Variants in SNX27 observed in about 807,000 individuals in gnomAD.
The protein encoded by SNX27 is sorting nexin-27.
Under a neutral mutation model 71.6 loss-of-function variants are expected in SNX27, and 22 were observed. The ratio of observed to expected loss-of-function variants is 0.31; its 90% CI spans 0.22 to 0.44. The LOEUF is 0.44. SNX27 is among the 20% of genes least tolerant of loss of function. The probability of loss-of-function intolerance (pLI) is 1.00; values close to 1 mark genes in which losing one functional copy is unlikely to be tolerated. For synonymous variants in SNX27, 269 were observed against 277.2 expected, an observed-to-expected ratio of 0.97 and a Z score of 0.29; for missense variants, 531 against 698.6, an observed-to-expected ratio of 0.76 and a Z score of 2.70.
chr1:151,633,885 A>G (rs1185327045), intron 1 of SNX27, among the ~76,000 whole-genome samples: 6 of 151,918 alleles, frequency 3.9e-5, no homozygotes, highest in Non-Finnish European at 8.8e-5. Context: ...TTTTTGATAG[A>G]CATTGGGTTG....
chr1:151,696,599 C>A lies in SNX27; in HGVS notation c.*2182C>A, dbSNP rs1340155610. The A allele has an allele frequency of 6.8e-6, 1 of 147,452 alleles. No individual in the cohort carries two copies. The highest frequency in any genetic ancestry group is 1.5e-5 in the Non-Finnish European group (1 of 67,224). The allele number at this position is 147,452 out of a possible 1,614,324, so 9.1% of individuals were successfully genotyped here. On this transcript the variant is annotated 3_prime_UTR_variant, in exon 12 of 12. Transcript: ENST00000458013. ...ATCTCTTTTTTGTAATTTGTTGTTG[C>A]AAATCATTGTGAGGCCACTTTTCTT...
In SNX27 at chr1:151,661,842, C is replaced by T. The variant is rs1333929265; in HGVS notation, c.802-324C>T. Among the ~76,000 whole-genome samples the T allele has an allele frequency of 2.0e-5, 3 of 152,150 alleles. No homozygotes were observed. The East Asian group carries it at 5.8e-4, about 29-fold the overall frequency. ...TGCTTTCAGTTGTTTTCTCCTCTCA[C>T]TTGTGAATTCTGAATGGGGAAAGGG... On this transcript the variant is annotated intron_variant, in intron 4 of 11. Transcript: ENST00000458013.
At chr1:151,639,878 A>G (rs191403442) in intron 2 of SNX27, among the ~76,000 whole-genome samples, 25 of 152,326 alleles carry the variant, frequency 1.6e-4, no homozygotes, top group African/African-American at 5.8e-4. Context: ...GAGTGTTGAT[A>G]TAATGAGAAA....
chr1:151,643,483 T>C (rs1000137664), intron 2 of SNX27, among the ~76,000 whole-genome samples: 1 of 146,218 alleles, frequency 6.8e-6, no homozygotes, highest in Non-Finnish European at 1.5e-5. Context: ...TTAGTAGAGA[T>C]GGGGTTTCAC....
chr1:151,653,023 G>A (rs1229835105), intron 2 of SNX27, among the ~76,000 whole-genome samples: 1 of 151,100 alleles, frequency 6.6e-6, no homozygotes, highest in Admixed American at 6.6e-5. Flanking sequence ...CGCCTCCCAG[G>A]TTCAAGCAGT....
chr1:151,679,296 A>G (rs1451221249), intron 7 of SNX27: 1 of 152,232 alleles, frequency 6.6e-6, no homozygotes, highest in Non-Finnish European at 1.5e-5. Context: ...TAAAATATGA[A>G]ATAATGTATT....
intron 3 of SNX27, 121 bp downstream of exon 3, chr1:151,658,548 A>G (rs1669805700): frequency 2.0e-6 from 2 of 982,020 alleles, no homozygotes; most frequent in Admixed American, 2.8e-5. Context: ...GTTTCTGACT[A>G]AGTATTGAAT....
At chr1:151,668,222 C>T (rs932992937) in intron 6 of SNX27, among the ~76,000 whole-genome samples, 3 of 152,146 alleles carry the variant, frequency 2.0e-5, no homozygotes, top group Non-Finnish European at 2.9e-5. Flanking sequence ...ATCCAAACCA[C>T]GGCACTTGTC....
intron 1 of SNX27, among the ~76,000 whole-genome samples, chr1:151,625,169 G>A (rs543977402): frequency 6.0e-4 from 92 of 152,082 alleles, no homozygotes; most frequent in African/African-American, 2.0e-3. Context: ...TTATTAATAC[G>A]CGCTTTTGCC....
intron 1 of SNX27, among the ~76,000 whole-genome samples, chr1:151,627,689 A>T (rs1668009222): frequency 6.6e-6 from 1 of 152,010 alleles, no homozygotes; most frequent in Non-Finnish European, 1.5e-5. Context: ...TGGCTTCCCA[A>T]AGTGCTAGGA....
intron 7 of SNX27, among the ~76,000 whole-genome samples, chr1:151,683,004 C>T (rs564800382): frequency 2.5e-4 from 38 of 152,270 alleles, no homozygotes; most frequent in East Asian, 5.8e-4. Flanking sequence ...CACTGCACTC[C>T]AGCCTGGGTG....
intron 10 of SNX27, 140 bp downstream of exon 10, chr1:151,693,179 A>G (rs781746006): frequency 2.2e-5 from 28 of 1,290,660 alleles, no homozygotes; most frequent in Non-Finnish European, 3.0e-5. Context: ...GAGCCCCCAG[A>G]TTCATCCTGT....
intron 1 of SNX27, among the ~76,000 whole-genome samples, chr1:151,633,083 A>G (rs12070025): frequency 0.02 from 3,063 of 152,122 alleles, 104 homozygotes; most frequent in African/African-American, 0.069. Context: ...CGTGTTAGCC[A>G]GGATGGTCTT....
At chr1:151,623,760 A>G (rs916471592) in intron 1 of SNX27, among the ~76,000 whole-genome samples, 13 of 151,854 alleles carry the variant, frequency 8.6e-5, no homozygotes, top group African/African-American at 3.1e-4. Context: ...TGTCATGTCT[A>G]CTCTATGATA....
intron 1 of SNX27, among the ~76,000 whole-genome samples, chr1:151,635,841 T>C (rs1668436071): frequency 6.6e-6 from 1 of 152,206 alleles, no homozygotes; most frequent in African/African-American, 2.4e-5. Flanking sequence ...GTCTTACTAA[T>C]AAAGAAGTGA....
intron 5 of SNX27, among the ~76,000 whole-genome samples, chr1:151,663,069 C>G (rs1462298340): frequency 6.6e-6 from 1 of 151,930 alleles, no homozygotes; most frequent in Non-Finnish European, 1.5e-5. Context: ...TCCATAGTCA[C>G]ATTTTTCCAA....
chr1:151,687,058 A>G (rs1292481817), intron 8 of SNX27, among the ~76,000 whole-genome samples: 1 of 152,244 alleles, frequency 6.6e-6, no homozygotes, highest in Non-Finnish European at 1.5e-5. Context: ...ACAAAGTTAG[A>G]CTGAATCTCA....
chr1:151,614,240 C>T (rs1372392723), intron 1 of SNX27: 1 of 151,784 alleles, frequency 6.6e-6, no homozygotes, highest in Non-Finnish European at 1.5e-5. Context: ...TACCTTTCCT[C>T]TGTCCTTTCT....
chr1:151,693,774 T>A (rs1200478817), intron 11 of SNX27: 4 of 1,485,908 alleles, frequency 2.7e-6, no homozygotes, highest in Non-Finnish European at 3.6e-6. Flanking sequence ...GCCAGTTTTT[T>A]AAATCAGATC....
Sources: allele counts gnomAD v4.1 joint callset (sites outside exome capture counted in the v4.1 genomes callset), GRCh38; gene constraint gnomAD v4.1.1; transcripts MANE v1.5; gene names NCBI Gene and HGNC (gene_info 2026-07-23, HGNC 2026-07-21).